Variants in DSCAML1 observed in about 807,000 individuals in gnomAD.
The protein encoded by DSCAML1 is cell adhesion molecule DSCAML1.
A neutral mutation model predicts 200.5 loss-of-function variants in DSCAML1; 38 were observed. That is an observed-to-expected ratio of 0.19 (90% CI 0.15 to 0.25). DSCAML1 has a LOEUF of 0.25. DSCAML1 is among the 10% of genes least tolerant of loss of function. DSCAML1 has a pLI of 1.00. For missense variants in DSCAML1, 2,223 were observed against 2,858.8 expected (o/e 0.78, Z 5.07); for synonymous variants, 1,215 against 1,165.0 (o/e 1.04, Z -0.87).
chr11:117,649,450 TCCACTAG>T (rs1369836947), intron 3 of DSCAML1, among the ~76,000 whole-genome samples: 1 of 152,128 alleles, frequency 6.6e-6, no homozygotes, highest in East Asian at 1.9e-4. Context: ...GTTCCCCGTC[TCCACTAG>T]CCATATGCCT....
Position 117,456,553 on chromosome 11 carries a change from G to T in DSCAML1, c.3568+2201C>A, listed in dbSNP as rs550362808. Among the ~76,000 whole-genome samples the T allele has an allele frequency of 2.6e-4, 39 of 152,252 alleles. No homozygotes were observed. The South Asian group carries it at 7.5e-3, about 29-fold the overall frequency. On this transcript the variant is annotated intron_variant, in intron 19 of 32. Transcript: ENST00000651296. Reference sequence around the variant, plus strand: ...ATAATGCCTCCCTCACAGGGCTCTTGGGCAGGTTAAGTCATATTATGACTG... The same window carrying T: ...ATAATGCCTCCCTCACAGGGCTCTTTGGCAGGTTAAGTCATATTATGACTG...
intron 3 of DSCAML1, among the ~76,000 whole-genome samples, chr11:117,627,451 T>C (rs2052073001): frequency 6.6e-6 from 1 of 152,126 alleles, no homozygotes; most frequent in African/African-American, 2.4e-5. Flanking sequence ...GTCCCCAGCC[T>C]GAGTACAATG....
At chr11:117,442,834 G>A (rs1341364929) in intron 21 of DSCAML1, among the ~76,000 whole-genome samples, 1 of 152,090 alleles carries the variant, frequency 6.6e-6, no homozygotes, top group Admixed American at 6.5e-5. Context: ...CTGACTTGGC[G>A]CTGGGAGAGC....
At chr11:117,433,318 C>G (rs969536085) in intron 28 of DSCAML1, 62 bp from the exon 29 acceptor site, 4 of 1,570,476 alleles carry the variant, frequency 2.5e-6, no homozygotes, top group Non-Finnish European at 3.5e-6. Flanking sequence ...GAAGGGGGCT[C>G]TGCAGGACAG....
chr11:117,715,010 G>A (rs2053925927), intron 3 of DSCAML1, among the ~76,000 whole-genome samples: 1 of 151,928 alleles, frequency 6.6e-6, no homozygotes, highest in Non-Finnish European at 1.5e-5. Flanking sequence ...AACCATGCCA[G>A]GAGGAAGAGG....
chr11:117,438,693 G>A (rs186676350), intron 24 of DSCAML1, among the ~76,000 whole-genome samples, 192 bp downstream of exon 24: 284 of 152,290 alleles, frequency 1.9e-3, no homozygotes, highest in African/African-American at 6.5e-3. Context: ...TTGGAGGGGC[G>A]GGCGTACTAA....
At chr11:117,542,961 G>A (rs976723138) in intron 3 of DSCAML1, among the ~76,000 whole-genome samples, 1 of 152,232 alleles carries the variant, frequency 6.6e-6, no homozygotes, top group Non-Finnish European at 1.5e-5. Flanking sequence ...CCTTCCCCGT[G>A]AGGTGGACTT....
Position 117,465,134 on chromosome 11 carries a change from C to A in DSCAML1, c.3073G>T (p.Gly1025Cys). The change falls in exon 17 of 33, where the codon GGC (glycine) becomes TGC (cysteine). Residue 1025 changes from glycine to cysteine, a missense_variant. Around this residue, in one of 7 missense-constraint regions of DSCAML1, gnomAD observed 438 missense variants for 629.7 expected, o/e 0.70. Coordinates refer to ENST00000651296, the MANE Select transcript of DSCAML1 (RefSeq NM_020693.4). ...CTGCCGGGGCTGTTCTCTCTGTAGC[C>A]AATCTGGTAGCCCCGGATGACACCG... is the stretch of plus-strand genomic sequence containing the variant. ...QNGVIRGYQI[G>C]YRENSPGSNG... 1 of 1,614,078 alleles carries A rather than the reference C, an allele frequency of 6.2e-7. No homozygotes were observed. The highest frequency in any genetic ancestry group is 8.5e-7 in the Non-Finnish European group (1 of 1,180,018).
intron 19 of DSCAML1, among the ~76,000 whole-genome samples, chr11:117,456,105 G>T (rs982658544): frequency 2.0e-5 from 3 of 152,208 alleles, no homozygotes; most frequent in Non-Finnish European, 4.4e-5. Flanking sequence ...TGTTGAGGGG[G>T]TTTCTGGGAA....
intron 3 of DSCAML1, among the ~76,000 whole-genome samples, chr11:117,770,536 C>G (rs1372494906): frequency 3.3e-5 from 5 of 152,006 alleles, no homozygotes; most frequent in African/African-American, 4.8e-5. Context: ...GTCCTCCATT[C>G]CACAGGACGG....
chr11:117,469,877 A>G lies in DSCAML1; in HGVS notation c.3024+33T>C. On this transcript the variant is annotated intron_variant, in intron 16 of 32. Coordinates refer to ENST00000651296, the MANE Select transcript of DSCAML1 (RefSeq NM_020693.4). The surrounding 1 kb of genome is among the most constrained non-coding windows in gnomAD (Gnocchi z 4.1). ...GATTGAGGAGAGAGGAGGCAAGCAGACATTCCAGGGGAGATGCCTTAGACA... is the reference window on the plus strand; with the variant it reads ...GATTGAGGAGAGAGGAGGCAAGCAGGCATTCCAGGGGAGATGCCTTAGACA... 1.3e-6 allele frequency: 2 copies of G among 1,558,578 alleles called. No homozygotes were observed. The highest frequency in any genetic ancestry group is 1.2e-5 in the South Asian group (1 of 81,876).
intron 3 of DSCAML1, among the ~76,000 whole-genome samples, chr11:117,703,755 T>A (rs2053707395): frequency 6.6e-6 from 1 of 152,184 alleles, no homozygotes; most frequent in Non-Finnish European, 1.5e-5. Context: ...GGGCAGGGAC[T>A]TTGACCAAAA....
intron 3 of DSCAML1, among the ~76,000 whole-genome samples, chr11:117,706,622 C>T (rs1056626140): frequency 2.6e-5 from 4 of 152,190 alleles, no homozygotes; most frequent in Non-Finnish European, 4.4e-5. Context: ...TGCCGTGTGT[C>T]GCAGCCAACG....
intron 20 of DSCAML1, among the ~76,000 whole-genome samples, chr11:117,450,265 C>T (rs959634097): frequency 2.6e-5 from 4 of 152,234 alleles, no homozygotes; most frequent in Non-Finnish European, 4.4e-5. Flanking sequence ...AGAGCCGAGG[C>T]TGACCTCCCT....
At chr11:117,534,273 G>A (rs1308597379) in intron 3 of DSCAML1, among the ~76,000 whole-genome samples, 1 of 152,196 alleles carries the variant, frequency 6.6e-6, no homozygotes, top group Non-Finnish European at 1.5e-5. Flanking sequence ...TCACCGTAGG[G>A]CACCTTCTGC....
chr11:117,707,065 G>T (rs1171823750), intron 3 of DSCAML1, among the ~76,000 whole-genome samples: 2 of 152,144 alleles, frequency 1.3e-5, no homozygotes, highest in African/African-American at 4.8e-5. Flanking sequence ...CTTGGCTTTG[G>T]CTGAGCTTCC....
chr11:117,613,079 G>A (rs2051729339), intron 3 of DSCAML1, among the ~76,000 whole-genome samples: 1 of 152,064 alleles, frequency 6.6e-6, no homozygotes, highest in Non-Finnish European at 1.5e-5. Flanking sequence ...TTGTGTATAT[G>A]TATATTTTTT....
chr11:117,714,848 G>A (rs7930626), intron 3 of DSCAML1, among the ~76,000 whole-genome samples: 1 of 134,820 alleles, frequency 7.4e-6, no homozygotes, highest in African/African-American at 2.8e-5. Flanking sequence ...AAAAAAGGAA[G>A]GTGCCACACT....
rs1487438345 is a variant in DSCAML1 at position 117,463,390 on chromosome 11, G to T, written c.3265+1552C>A. On this transcript the variant is annotated intron_variant, in intron 17 of 32. Coordinates refer to ENST00000651296, the MANE Select transcript of DSCAML1 (RefSeq NM_020693.4). The surrounding 1 kb of genome is among the most constrained non-coding windows in gnomAD (Gnocchi z 4.0). Reference sequence around the variant, plus strand: ...TTTTTTTTTTTTTTTTAGAGATGGGGTCTTGCTGTATTGTCCATGCTGGAC... The same window carrying T: ...TTTTTTTTTTTTTTTTAGAGATGGGTTCTTGCTGTATTGTCCATGCTGGAC... Among the ~76,000 whole-genome samples, 2 of 150,626 alleles carry T rather than the reference G, an allele frequency of 1.3e-5. No individual in the cohort carries two copies. The highest frequency in any genetic ancestry group is 1.9e-4 in the East Asian group (1 of 5,170).
Sources: gnomAD v4.1 joint callset for allele counts (sites outside exome capture counted in the v4.1 genomes callset) on GRCh38, gnomAD v4.1.1 for gene constraint, gnomAD v4.1.1 regional missense constraint, Gnocchi (gnomAD v3.1) non-coding constraint, MANE v1.5 for transcripts, NCBI Gene and HGNC (gene_info 2026-07-23, HGNC 2026-07-21) for gene names.